Variants in RASGRP3 observed in about 807,000 individuals in gnomAD.
RASGRP3 encodes the protein RAS guanyl releasing protein 3.
Under a neutral mutation model 82.7 loss-of-function variants are expected in RASGRP3, and 54 were observed. The ratio of observed to expected loss-of-function variants is 0.65; its 90% confidence interval spans 0.52 to 0.82. The LOEUF (loss-of-function observed/expected upper bound fraction) is 0.82. Among genes scored for constraint, RASGRP3 ranks in the 40% least tolerant of loss-of-function variants. The pLI, the probability that RASGRP3 is intolerant of heterozygous loss-of-function variation, is 0.00. For synonymous variants in RASGRP3, 309 were observed against 300.5 expected (o/e 1.03, Z -0.29); for missense variants, 861 against 828.9 (o/e 1.04, Z -0.48).
rs1394061130 is a variant in RASGRP3, at chr2:33,540,543, CTG to C, written c.1278+1343_1278+1344del. On this transcript the variant is annotated intron_variant, in intron 12 of 17. Coordinates refer to ENST00000403687, the MANE Select transcript of RASGRP3 (RefSeq NM_001139488.2). The stretch of plus-strand genomic sequence containing the variant: ...GGAATTTCTCTCTCTCTCTCTCTCT[CTG>C]TGTGTGTGTTTTGTGTGTGTGTGTG... Among the ~76,000 whole-genome samples, 30 of 57,896 alleles carry C rather than the reference CTG, an allele frequency of 5.2e-4. 3 individuals are homozygous for C. Among genetic ancestry groups the C allele is most frequent in the African/African-American group, 1.9e-3 (29 of 15,304 alleles). The allele number at this position is 57,896 out of a possible 152,430, so 38.0% of individuals were successfully genotyped here.
intron 7 of RASGRP3, 72 bp downstream of exon 7, chr2:33,522,174 A>G (rs1281568850): frequency 1.3e-6 from 2 of 1,511,210 alleles, no homozygotes; most frequent in African/African-American, 1.4e-5. Flanking sequence ...CTGCATTTTC[A>G]TACTCTGAAG....
intron 11 of RASGRP3, among the ~76,000 whole-genome samples, chr2:33,536,789 C>T (rs377522140): frequency 7.4e-4 from 112 of 152,224 alleles, no homozygotes; most frequent in African/African-American, 2.6e-3. Flanking sequence ...CTGAGACTTG[C>T]GACAGAGGTG....
At chr2:33,486,020 C>G (rs1668338878) in intron 1 of RASGRP3, among the ~76,000 whole-genome samples, 1 of 152,148 alleles carries the variant, frequency 6.6e-6, no homozygotes, top group Non-Finnish European at 1.5e-5. Context: ...TTTTTCTCAA[C>G]CAAAACTTCA....
At chr2:33,480,624 T>G (rs1442239363) in intron 1 of RASGRP3, among the ~76,000 whole-genome samples, 1 of 152,220 alleles carries the variant, frequency 6.6e-6, no homozygotes, top group East Asian at 1.9e-4. Flanking sequence ...TTGGGGTCCT[T>G]TTACAATAAG....
intron 11 of RASGRP3, 80 bp from the exon 12 acceptor site, chr2:33,539,014 G>A (rs1673945251): frequency 9.7e-7 from 1 of 1,026,706 alleles, no homozygotes; most frequent in Admixed American, 2.4e-5. Flanking sequence ...ACTCCAGCCT[G>A]GGCGACAGAA....
chr2:33,561,550 A>G (rs1052830755), intron 17 of RASGRP3, among the ~76,000 whole-genome samples: 15 of 151,976 alleles, frequency 9.9e-5, no homozygotes, highest in Non-Finnish European at 1.8e-4. Context: ...GGAAGAAGGG[A>G]AAAAAAATGA....
Position 33,526,627 on chromosome 2 carries a change from CTG to C in RASGRP3, c.808-509_808-508del, listed in dbSNP as rs541100928. The stretch of plus-strand genomic sequence containing the variant: ...CTTCTCTTACTTACAGAGAAAGAAA[CTG>C]AGGCCCAAAAAAGTGAAGTGACTTG... On this transcript the variant is annotated intron_variant, in intron 9 of 17. Coordinates refer to ENST00000403687, the MANE Select transcript of RASGRP3 (RefSeq NM_001139488.2). Among the ~76,000 whole-genome samples the C allele has an allele frequency of 1.2e-3, 182 of 152,254 alleles. 1 individual carries two copies. Among genetic ancestry groups the C allele is most frequent in the African/African-American group, 4.3e-3 (177 of 41,550 alleles).
At chr2:33,486,022 A>G (rs1668339342) in intron 1 of RASGRP3, among the ~76,000 whole-genome samples, 1 of 152,240 alleles carries the variant, frequency 6.6e-6, no homozygotes. Context: ...TTTCTCAACC[A>G]AAACTTCAGG....
upstream of RASGRP3, among the ~76,000 whole-genome samples, chr2:33,473,315 G>A (rs1397382367): frequency 2.0e-5 from 3 of 152,040 alleles, no homozygotes; most frequent in Admixed American, 6.5e-5. Context: ...CCTGGGAGAC[G>A]GAGCTTGCAG....
intron 9 of RASGRP3, 110 bp from the exon 10 acceptor site, chr2:33,527,027 A>T: frequency 8.8e-7 from 1 of 1,135,964 alleles, no homozygotes; most frequent in Non-Finnish European, 1.2e-6. Context: ...CATTGGTGCA[A>T]GTGATACTTT....
chr2:33,530,426 G>A (rs1673003686), intron 10 of RASGRP3, among the ~76,000 whole-genome samples: 1 of 150,316 alleles, frequency 6.7e-6, no homozygotes, highest in Non-Finnish European at 1.5e-5. Flanking sequence ...CGTTTCCTCA[G>A]TAAATTCTCA....
intron 2 of RASGRP3, among the ~76,000 whole-genome samples, chr2:33,470,349 G>C (rs1304126465): frequency 6.7e-6 from 1 of 149,542 alleles, no homozygotes; most frequent in Non-Finnish European, 1.5e-5. Flanking sequence ...TATTGTTGTT[G>C]TTGCTATTAT....
intron 1 of RASGRP3, among the ~76,000 whole-genome samples, chr2:33,499,812 C>G (rs1031044262): frequency 2.0e-5 from 3 of 149,392 alleles, no homozygotes; most frequent in African/African-American, 7.4e-5. Flanking sequence ...AAAGAAGAAA[C>G]CAATTTGAAG....
chr2:33,440,327 A>T (rs1574209113), intron 1 of RASGRP3, among the ~76,000 whole-genome samples: 1 of 152,322 alleles, frequency 6.6e-6, no homozygotes, highest in South Asian at 2.1e-4. Context: ...TTCCATTGCC[A>T]GCCACATTTT....
upstream of RASGRP3, among the ~76,000 whole-genome samples, chr2:33,473,055 A>G (rs1158624420): frequency 2.6e-5 from 4 of 151,036 alleles, no homozygotes; most frequent in Non-Finnish European, 5.9e-5. Context: ...TGCAGGAGTT[A>G]GGGCAGTAAT....
Position 33,458,397 on chromosome 2 carries a change from C to G in RASGRP3, c.-261+10454C>G, listed in dbSNP as rs186470556. Among the ~76,000 whole-genome samples, 41 of 152,118 alleles carry G rather than the reference C, an allele frequency of 2.7e-4. No homozygotes were observed. In the East Asian group the frequency reaches 7.1e-3, roughly 26 times the overall value. On this transcript the variant is annotated intron_variant, in intron 2 of 18. Transcript: ENST00000402538. ...GTGCTCAGTTGTTTGTGTTTTAGAG[C>G]GTGTTGGCTGGTGTAGCCATATCAG...
At position 33,562,799 on chromosome 2, in the gene RASGRP3, T is replaced by G. The variant is rs1459108271; in HGVS notation, c.*62T>G. 19 of 1,577,600 alleles carry G rather than the reference T, an allele frequency of 1.2e-5. No homozygotes were observed. Among genetic ancestry groups the G allele is most frequent in the Non-Finnish European group, 1.5e-5 (17 of 1,147,680 alleles). ...TTTTGGAAGGGGCAAGACGAGAAACTCTGAAGAAAGCTCTGACTCTCAGGA... is the reference window on the plus strand; with the variant it reads ...TTTTGGAAGGGGCAAGACGAGAAACGCTGAAGAAAGCTCTGACTCTCAGGA... On this transcript the variant is annotated 3_prime_UTR_variant, in exon 18 of 18. Transcript: ENST00000403687.
chr2:33,454,143 A>C (rs1251230862), intron 2 of RASGRP3, among the ~76,000 whole-genome samples: 1 of 151,930 alleles, frequency 6.6e-6, no homozygotes, highest in Non-Finnish European at 1.5e-5. Context: ...TTCAAGATCA[A>C]GGTGTCAGCA....
chr2:33,534,900 A>C (rs957098228), intron 11 of RASGRP3, among the ~76,000 whole-genome samples: 2 of 152,032 alleles, frequency 1.3e-5, no homozygotes, highest in Non-Finnish European at 2.9e-5. Context: ...TTATGTCTTC[A>C]TACCAGAGGC....
Sources: allele counts gnomAD v4.1 joint callset (sites outside exome capture counted in the v4.1 genomes callset), GRCh38; gene constraint gnomAD v4.1.1; transcripts MANE v1.5; gene names NCBI Gene and HGNC (gene_info 2026-07-23, HGNC 2026-07-21).